VTI1A: variants seen among roughly 807,000 people sequenced by gnomAD.
VTI1A encodes the protein vesicle transport through interaction with t-SNAREs homolog 1A.
In VTI1A, 22 loss-of-function variants were observed where a neutral mutation model predicts 34.9. The observed-to-expected ratio is 0.63, with a 90% confidence interval of 0.45 to 0.90. VTI1A has a LOEUF of 0.90. Ranked by LOEUF, VTI1A falls within the 40% of genes least tolerant of loss-of-function variation. VTI1A has a pLI of 0.00. For missense variants in VTI1A, 268 were observed against 275.6 expected, an observed-to-expected ratio of 0.97 and a Z score of 0.20; for synonymous variants, 87 against 97.3, an observed-to-expected ratio of 0.89 and a Z score of 0.62.
chr10:112,727,230 A>T (rs952957672), intron 7 of VTI1A, among the ~76,000 whole-genome samples: 1 of 152,194 alleles, frequency 6.6e-6, no homozygotes, highest in South Asian at 2.1e-4. Context: ...AAGCAACAAC[A>T]TGAAACCCAG....
At chr10:112,786,451 G>A (rs1053623147) in intron 7 of VTI1A, among the ~76,000 whole-genome samples, 1 of 152,134 alleles carries the variant, frequency 6.6e-6, no homozygotes, top group African/African-American at 2.4e-5. Context: ...ATGCCAGATT[G>A]CACTGGCTAG....
At chr10:112,701,652 G>T (rs991898154) in intron 7 of VTI1A, among the ~76,000 whole-genome samples, 1 of 152,160 alleles carries the variant, frequency 6.6e-6, no homozygotes, top group Non-Finnish European at 1.5e-5. Flanking sequence ...GCCAAAAGCA[G>T]AAGTTATGAA....
At chr10:112,461,021 T>C (rs1847709557) in intron 2 of VTI1A, among the ~76,000 whole-genome samples, 1 of 152,218 alleles carries the variant, frequency 6.6e-6, no homozygotes, top group South Asian at 2.1e-4. Context: ...TACAGTTTCA[T>C]AGATGACTAT....
intron 3 of VTI1A, among the ~76,000 whole-genome samples, chr10:112,501,187 G>A (rs934196613): frequency 1.3e-5 from 2 of 151,554 alleles, no homozygotes; most frequent in Non-Finnish European, 2.9e-5. Flanking sequence ...AGAAACAGAT[G>A]GATGAATATA....
intron 3 of VTI1A, among the ~76,000 whole-genome samples, chr10:112,480,709 G>A (rs1848434236): frequency 6.6e-6 from 1 of 152,172 alleles, no homozygotes; most frequent in Non-Finnish European, 1.5e-5. Flanking sequence ...ATAGTGGAAG[G>A]GAGGAAGGGG....
intron 5 of VTI1A, among the ~76,000 whole-genome samples, chr10:112,560,458 C>A (rs1851686539): frequency 6.6e-6 from 1 of 152,120 alleles, no homozygotes; most frequent in Admixed American, 6.5e-5. Context: ...GCCCCTTCCT[C>A]ATAACATTAA....
intron 7 of VTI1A, among the ~76,000 whole-genome samples, chr10:112,789,952 C>CTT (rs71035402): frequency 1.5e-4 from 21 of 141,186 alleles, no homozygotes; most frequent in Non-Finnish European, 2.5e-4. Context: ...TTTTTCTTTC[C>CTT]TTTTTTTTTT....
intron 3 of VTI1A, among the ~76,000 whole-genome samples, chr10:112,491,670 T>C (rs1160396515): frequency 3.9e-5 from 6 of 152,206 alleles, no homozygotes; most frequent in African/African-American, 1.2e-4. Context: ...TTTAATGAGA[T>C]ATTTTACATT....
At chr10:112,573,686 C>A (rs1179589935) in intron 5 of VTI1A, among the ~76,000 whole-genome samples, 1 of 152,130 alleles carries the variant, frequency 6.6e-6, no homozygotes, top group East Asian at 1.9e-4. Context: ...CTTCTGGACA[C>A]CTCCGTATTT....
At chr10:112,483,412 T>G (rs945371625) in intron 3 of VTI1A, among the ~76,000 whole-genome samples, 4 of 152,124 alleles carry the variant, frequency 2.6e-5, no homozygotes, top group Non-Finnish European at 4.4e-5. Flanking sequence ...CTGATGCATT[T>G]CTACCTTGAT....
chr10:112,568,646 G>A lies in VTI1A; in HGVS notation c.427+30316G>A, dbSNP rs115935267. ...GGAAAGGTTAGAGAACTCTAAATAA[G>A]ATCCCCGTCTTATCCTATAACAATC... On this transcript the variant is annotated intron_variant, in intron 5 of 7. Transcript: ENST00000393077. Among the ~76,000 whole-genome samples the A allele has an allele frequency of 2.5e-3, 383 of 152,288 alleles. 2 individuals carry two copies. The highest frequency in any genetic ancestry group is 8.6e-3 in the African/African-American group (359 of 41,550).
intron 5 of VTI1A, among the ~76,000 whole-genome samples, chr10:112,651,701 T>A (rs1847028430): frequency 6.6e-6 from 1 of 152,186 alleles, no homozygotes; most frequent in African/African-American, 2.4e-5. Flanking sequence ...TAATAATTAT[T>A]TTTTAGAACT....
the VTI1A span, among the ~76,000 whole-genome samples, chr10:112,841,355 G>C: frequency 6.6e-6 from 1 of 152,178 alleles, no homozygotes; most frequent in African/African-American, 2.4e-5. Flanking sequence ...AGGGTGTTCT[G>C]GAAAACAACC....
chr10:112,654,117 T>C (rs1438858544), intron 5 of VTI1A, among the ~76,000 whole-genome samples: 1 of 152,226 alleles, frequency 6.6e-6, no homozygotes, highest in Non-Finnish European at 1.5e-5. Context: ...ACTTTTTTGT[T>C]GTTAGGAGTT....
intron 1 of VTI1A, among the ~76,000 whole-genome samples, chr10:112,451,858 C>T (rs908558098): frequency 2.0e-5 from 3 of 152,184 alleles, no homozygotes; most frequent in Middle Eastern, 3.2e-3. Flanking sequence ...GCTGTAATAT[C>T]TACGTGTAGC....
chr10:112,600,072 A>G (rs576171648), intron 5 of VTI1A, among the ~76,000 whole-genome samples: 1 of 152,334 alleles, frequency 6.6e-6, no homozygotes, highest in Non-Finnish European at 1.5e-5. Flanking sequence ...CTGGTGTGTG[A>G]TGAAGCAAGT....
At chr10:112,806,041 G>C (rs1195780074) in intron 7 of VTI1A, among the ~76,000 whole-genome samples, 2 of 152,174 alleles carry the variant, frequency 1.3e-5, no homozygotes, top group African/African-American at 4.8e-5. Context: ...AGCGACTCCA[G>C]TCCTCACTCA....
At chr10:112,808,036 A>T (rs898839307) in intron 7 of VTI1A, among the ~76,000 whole-genome samples, 63 of 150,472 alleles carry the variant, frequency 4.2e-4, no homozygotes, top group African/African-American at 1.4e-3. Flanking sequence ...TGGGAAACAT[A>T]GTGAGACCCT....
At chr10:112,821,478 A>G (rs146318452), downstream of VTI1A, among the ~76,000 whole-genome samples, 2 of 152,156 alleles carry the variant, frequency 1.3e-5, no homozygotes, top group African/African-American at 4.8e-5. Context: ...GTTAGAGAGA[A>G]ATGTTTTTTC....
Sources: gnomAD v4.1 joint callset for allele counts (sites outside exome capture counted in the v4.1 genomes callset) on GRCh38, gnomAD v4.1.1 for gene constraint, MANE v1.5 for transcripts, NCBI Gene and HGNC (gene_info 2026-07-23, HGNC 2026-07-21) for gene names.